OTUD7A: variants seen among roughly 807,000 people sequenced by gnomAD.
OTUD7A encodes the protein OTU domain-containing protein 7A.
In OTUD7A, 12 loss-of-function variants were observed where a neutral mutation model predicts 65.7. The ratio of observed to expected loss-of-function variants is 0.18; its 90% CI spans 0.12 to 0.30. OTUD7A has a LOEUF of 0.30. Ranked by LOEUF, OTUD7A falls within the 10% of genes least tolerant of loss-of-function variation. The pLI is 1.00. For synonymous variants in OTUD7A, 641 were observed against 586.3 expected (o/e 1.09, Z -1.35); for missense variants, 1,148 against 1,304.8 (o/e 0.88, Z 1.85).
intron 3 of OTUD7A, among the ~76,000 whole-genome samples, chr15:31,639,695 G>A (rs1184021534): frequency 6.6e-6 from 1 of 151,976 alleles, no homozygotes; most frequent in East Asian, 1.9e-4. Context: ...CAGTATTGTT[G>A]GTTTTAGTCA....
At chr15:31,715,671 C>A (rs2654039) in intron 1 of OTUD7A, among the ~76,000 whole-genome samples, 1 of 94,002 alleles carries the variant, frequency 1.1e-5, no homozygotes, top group Non-Finnish European at 2.3e-5. Context: ...GTCTTTTCTA[C>A]CCTTGGGACC....
At chr15:31,717,358 T>A (rs912861666) in intron 1 of OTUD7A, among the ~76,000 whole-genome samples, 2 of 152,182 alleles carry the variant, frequency 1.3e-5, no homozygotes, top group Non-Finnish European at 2.9e-5. Flanking sequence ...GTCACCTACA[T>A]TAGGTATTTC....
At chr15:31,570,985 T>A (rs990021570) in intron 3 of OTUD7A, among the ~76,000 whole-genome samples, 2 of 152,162 alleles carry the variant, frequency 1.3e-5, no homozygotes, top group African/African-American at 4.8e-5. Flanking sequence ...GCAACTATAG[T>A]TAACAATAAC....
intron 1 of OTUD7A, among the ~76,000 whole-genome samples, chr15:31,868,778 C>T (rs891358175): frequency 1.3e-5 from 2 of 152,178 alleles, no homozygotes; most frequent in Non-Finnish European, 2.9e-5. Context: ...CCGCACGTGG[C>T]AATACTTCGT....
At chr15:31,717,173 C>T (rs527752848) in intron 1 of OTUD7A, among the ~76,000 whole-genome samples, 71 of 152,258 alleles carry the variant, frequency 4.7e-4, no homozygotes, top group African/African-American at 1.7e-3. Context: ...CATTGCATTT[C>T]GTTTTCATGT....
chr15:31,553,104 C>A (rs922693217), intron 5 of OTUD7A, among the ~76,000 whole-genome samples: 5 of 152,136 alleles, frequency 3.3e-5, no homozygotes, highest in African/African-American at 1.2e-4. Context: ...TCAAACCCAG[C>A]GGTCAGTTTC....
At chr15:31,622,152 T>A (rs1890807762) in intron 3 of OTUD7A, among the ~76,000 whole-genome samples, 1 of 152,202 alleles carries the variant, frequency 6.6e-6, no homozygotes. Context: ...CTGATGGGCT[T>A]CCCTTTGTAG....
chr15:31,694,369 C>A (rs1234241159), intron 1 of OTUD7A, among the ~76,000 whole-genome samples: 2 of 152,202 alleles, frequency 1.3e-5, no homozygotes, highest in African/African-American at 2.4e-5. Context: ...CCTGTCATAA[C>A]ACCCCTCCAC....
chr15:31,543,912 A>G (rs1180158980), intron 5 of OTUD7A, among the ~76,000 whole-genome samples: 4 of 151,882 alleles, frequency 2.6e-5, no homozygotes, highest in Non-Finnish European at 5.9e-5. Flanking sequence ...GACAAATACA[A>G]TGCAGCCAAA....
At chr15:31,577,070 C>T (rs1889223759) in intron 3 of OTUD7A, among the ~76,000 whole-genome samples, 1 of 152,144 alleles carries the variant, frequency 6.6e-6, no homozygotes, top group African/African-American at 2.4e-5. Flanking sequence ...CATCACATGA[C>T]AGATAGCAGA....
At chr15:31,486,332 T>G (rs922658832) in intron 12 of OTUD7A, among the ~76,000 whole-genome samples, 1 of 152,164 alleles carries the variant, frequency 6.6e-6, no homozygotes, top group African/African-American at 2.4e-5. Flanking sequence ...TATCAGTCCC[T>G]GCCTCATGGA....
In OTUD7A at chr15:31,645,337, C is replaced by A. The variant is rs181915403; in HGVS notation, c.151+9759G>T. Among the ~76,000 whole-genome samples the A allele has an allele frequency of 4.3e-3, 654 of 152,314 alleles. 1 individual carries two copies. The highest frequency in any genetic ancestry group is 0.01 in the South Asian group (49 of 4,830). On this transcript the variant is annotated intron_variant, in intron 3 of 12. Coordinates refer to ENST00000307050, the MANE Select transcript of OTUD7A (RefSeq NM_001382637.1). The stretch of plus-strand genomic sequence containing the variant: ...AGGAGGGCACACCCACATTCTGATA[C>A]TTCATCTTGGCTGGAAGTGGAAGTT...
intron 1 of OTUD7A, among the ~76,000 whole-genome samples, chr15:31,777,360 C>T (rs1278993077): frequency 6.6e-6 from 1 of 152,218 alleles, no homozygotes; most frequent in Admixed American, 6.5e-5. Flanking sequence ...TATAGTACCC[C>T]AATGACTTGT....
At chr15:31,854,315 A>G (rs1897506760) in intron 1 of OTUD7A, among the ~76,000 whole-genome samples, 1 of 152,156 alleles carries the variant, frequency 6.6e-6, no homozygotes, top group South Asian at 2.1e-4. Context: ...GTCCAGGATC[A>G]TCTCCCTGTC....
At chr15:31,777,372 C>T (rs1173576118) in intron 1 of OTUD7A, among the ~76,000 whole-genome samples, 1 of 152,212 alleles carries the variant, frequency 6.6e-6, no homozygotes, top group African/African-American at 2.4e-5. Flanking sequence ...ATGACTTGTA[C>T]TTCCTGGTTC....
rs559786240 is a variant in OTUD7A, at chr15:31,634,634, G to A, written c.151+20462C>T. On this transcript the variant is annotated intron_variant, in intron 3 of 12. Transcript: ENST00000307050. ...GCCTCCCTTCCTACAGGCTTCTCCCGGCACAGTGCCCATCTGCCCTGTATA... is the reference window on the plus strand; with the variant it reads ...GCCTCCCTTCCTACAGGCTTCTCCCAGCACAGTGCCCATCTGCCCTGTATA... Among the ~76,000 whole-genome samples the A allele has an allele frequency of 3.4e-3, 515 of 152,292 alleles. 3 individuals are homozygous for A. The highest frequency in any genetic ancestry group is 0.012 in the African/African-American group (498 of 41,542).
intron 3 of OTUD7A, among the ~76,000 whole-genome samples, chr15:31,639,024 C>T (rs891786628): frequency 6.6e-6 from 1 of 152,026 alleles, no homozygotes; most frequent in Non-Finnish European, 1.5e-5. Context: ...GTCGCAGCTA[C>T]TCGGGAGGCT....
intron 1 of OTUD7A, among the ~76,000 whole-genome samples, chr15:31,780,488 C>G (rs1009691772): frequency 6.6e-6 from 1 of 152,182 alleles, no homozygotes; most frequent in Non-Finnish European, 1.5e-5. Context: ...CAGGAGCCGG[C>G]GGGAGCTGTG....
intron 1 of OTUD7A, among the ~76,000 whole-genome samples, chr15:31,868,275 C>A (rs1042191323): frequency 2.0e-5 from 3 of 152,150 alleles, no homozygotes. Context: ...AAATAAGTGA[C>A]CCATACCTAA....
Sources: allele counts gnomAD v4.1 joint callset (sites outside exome capture counted in the v4.1 genomes callset), GRCh38; gene constraint gnomAD v4.1.1; transcripts MANE v1.5; gene names NCBI Gene and HGNC (gene_info 2026-07-23, HGNC 2026-07-21).